The following ABCA1 variants were observed in gnomAD, a reference collection of about 807,000 sequenced individuals.
ABCA1 encodes the protein ATP binding cassette subfamily A member 1.
ABCA1 carries 133 observed loss-of-function variants against 262.5 expected under a neutral mutation model. That is an observed-to-expected ratio of 0.51 (90% CI 0.44 to 0.59). The LOEUF (loss-of-function observed/expected upper bound fraction) is 0.59. ABCA1 is among the 20% of genes least tolerant of loss of function. The probability of loss-of-function intolerance (pLI) is 0.00; values close to 1 mark genes in which losing one functional copy is unlikely to be tolerated. For synonymous variants in ABCA1, 1,022 were observed against 1,043.5 expected (o/e 0.98, Z 0.40); for missense variants, 2,452 against 2,777.5 (o/e 0.88, Z 2.63).
In ABCA1 at chr9:104,786,942, C is replaced by T. The variant is rs755378028; in HGVS notation, c.6239G>A (p.Arg2080Gln). The stretch of plus-strand genomic sequence containing the variant: ...TAGGGCACAATTCCACAAGAACCGC[C>T]GGGCTTTGGGATCCATGCCTGTGGT... ...EPTTGMDPKARRFLWNCALSV... is the reference protein window; with the variant it reads ...EPTTGMDPKAQRFLWNCALSV... The change falls in exon 47 of 50, where the codon CGG becomes CAG. Residue 2080 changes from arginine (R) to glutamine (Q), a missense_variant. Physicochemically the swap from Arg to Gln is conservative, Grantham distance 43. This residue lies in a region of ABCA1 where 752 missense variants were observed against 944.5 expected (regional missense o/e 0.80). Transcript: ENST00000374736. 1.9e-6 allele frequency: 3 copies of T among 1,614,004 alleles called. No individual in the cohort carries two copies. Among genetic ancestry groups the T allele is most frequent in the Non-Finnish European group, 2.5e-6 (3 of 1,179,982 alleles).
At chr9:104,883,341 C>T (rs1405469943) in intron 4 of ABCA1, among the ~76,000 whole-genome samples, 184 bp from the exon 5 acceptor site, 1 of 152,104 alleles carries the variant, frequency 6.6e-6, no homozygotes. Flanking sequence ...CCTCCCCCAC[C>T]CATCATCACT....
At chr9:104,812,072 A>G (rs1036283145) in intron 28 of ABCA1, among the ~76,000 whole-genome samples, 6 of 152,242 alleles carry the variant, frequency 3.9e-5, no homozygotes, top group African/African-American at 1.4e-4. Context: ...CTGTTGGCCA[A>G]CTATATTCTG....
chr9:104,927,381 C>CCA (rs1327700421), intron 1 of ABCA1, among the ~76,000 whole-genome samples: 1 of 152,122 alleles, frequency 6.6e-6, no homozygotes, highest in Non-Finnish European at 1.5e-5. Flanking sequence ...GGGACACCTC[C>CCA]AACTCGAGTT....
At chr9:104,908,653 A>G (rs1257647343) in intron 1 of ABCA1, among the ~76,000 whole-genome samples, 12 of 152,030 alleles carry the variant, frequency 7.9e-5, no homozygotes, top group Non-Finnish European at 1.6e-4. Flanking sequence ...AGAGTGAGAC[A>G]CCTCCTCATA....
chr9:104,927,071 A>G (rs4742929), intron 1 of ABCA1, among the ~76,000 whole-genome samples: 85,852 of 151,694 alleles, frequency 0.57, 25,174 homozygotes, highest in African/African-American at 0.72. Flanking sequence ...AATTAGCTGG[A>G]TGTGGTGACG....
At chr9:104,790,220 A>G (rs73663522) in intron 44 of ABCA1, among the ~76,000 whole-genome samples, 1,594 of 152,278 alleles carry the variant, frequency 0.01, 37 homozygotes, top group African/African-American at 0.037. Flanking sequence ...GTGCAGTCTC[A>G]GAAAATGGCC....
At chr9:104,909,781 A>T (rs1375925001) in intron 1 of ABCA1, among the ~76,000 whole-genome samples, 1 of 152,114 alleles carries the variant, frequency 6.6e-6, no homozygotes, top group East Asian at 1.9e-4. Flanking sequence ...TCCAGGAGAG[A>T]TGAGAGATGA....
At chr9:104,844,006 C>T (rs983718002) in intron 8 of ABCA1, among the ~76,000 whole-genome samples, 1 of 141,896 alleles carries the variant, frequency 7.0e-6, no homozygotes, top group African/African-American at 2.9e-5. Context: ...CACCTGCTTC[C>T]AATTTTTTTT....
chr9:104,873,802 C>T (rs1837857139), intron 5 of ABCA1, among the ~76,000 whole-genome samples: 1 of 152,160 alleles, frequency 6.6e-6, no homozygotes, highest in African/African-American at 2.4e-5. Flanking sequence ...ATTAATTTGC[C>T]ACAATAGTCC....
At chr9:104,805,781 T>C (rs1564103287) in intron 31 of ABCA1, among the ~76,000 whole-genome samples, 2 of 152,222 alleles carry the variant, frequency 1.3e-5, no homozygotes, top group African/African-American at 4.8e-5. Flanking sequence ...AAAACTCACA[T>C]GCTTTTTCTT....
rs1322212554 is a variant in ABCA1 at position 104,806,328 on chromosome 9, A to G, written c.4377T>C (p.Pro1459=). The change falls in exon 31 of 50, where the codon CCT becomes CCC. Residue 1459 remains proline, a synonymous_variant. Coordinates refer to ENST00000374736, the MANE Select transcript of ABCA1 (RefSeq NM_005502.4). ...FQNGNWTMQN[P]SPACQCSSDK... is the part of the protein sequence containing the mutation. ...CGCTGCTACACTGGCATGCAGGTGA[A>G]GGGTTCTGCATTGTCCAGTTCCCAT... 1.2e-6 allele frequency: 2 copies of G among 1,614,136 alleles called. No individual in the cohort carries two copies. Among genetic ancestry groups the G allele is most frequent in the Admixed American group, 1.7e-5 (1 of 60,016 alleles).
At chr9:104,918,743 T>C (rs1241414903) in intron 1 of ABCA1, among the ~76,000 whole-genome samples, 1 of 152,174 alleles carries the variant, frequency 6.6e-6, no homozygotes, top group African/African-American at 2.4e-5. Context: ...TGCAGGTCAG[T>C]GTAAGCTCAT....
intron 21 of ABCA1, 56 bp downstream of exon 21, chr9:104,819,871 T>C: frequency 1.2e-6 from 2 of 1,609,122 alleles, no homozygotes; most frequent in East Asian, 2.2e-5. Flanking sequence ...TTCCTCCGCA[T>C]GTGTGTAGCC....
At chr9:104,835,356 C>T (rs550323819) in intron 11 of ABCA1, among the ~76,000 whole-genome samples, 1 of 152,166 alleles carries the variant, frequency 6.6e-6, no homozygotes, top group South Asian at 2.1e-4. Context: ...TGTCTCCAGC[C>T]CAACCACCCT....
chr9:104,828,770 C>T (rs1833007208), intron 15 of ABCA1, 146 bp downstream of exon 15: 1 of 970,472 alleles, frequency 1.0e-6, no homozygotes, highest in Non-Finnish European at 1.6e-6. Context: ...CTTTCCCCAA[C>T]TATAAATGGA....
intron 1 of ABCA1, among the ~76,000 whole-genome samples, chr9:104,924,311 T>TA (rs76908150): frequency 0.27 from 40,977 of 151,800 alleles, 5,848 homozygotes; most frequent in African/African-American, 0.36. Context: ...TCTGGATACT[T>TA]AAAAAAATGT....
intron 26 of ABCA1, 42 bp from the exon 27 acceptor site, chr9:104,814,273 C>T (rs760065492): frequency 6.2e-7 from 1 of 1,603,588 alleles, no homozygotes; most frequent in South Asian, 1.1e-5. Flanking sequence ...ATTTTATTTA[C>T]AACAAAACAA....
At chr9:104,868,962 T>C (rs1332735660) in intron 5 of ABCA1, among the ~76,000 whole-genome samples, 1 of 148,288 alleles carries the variant, frequency 6.7e-6, no homozygotes, top group East Asian at 2.0e-4. Context: ...TCTCTGAGCA[T>C]AGAGGACAAG....
At chr9:104,844,166 G>C (rs115761095) in intron 8 of ABCA1, among the ~76,000 whole-genome samples, 3,876 of 152,128 alleles carry the variant, frequency 0.025, 137 homozygotes, top group African/African-American at 0.088. Context: ...AGAGGGCTGC[G>C]AGGGGATCTG....
Sources: allele counts gnomAD v4.1 joint callset (sites outside exome capture counted in the v4.1 genomes callset), GRCh38; gene constraint gnomAD v4.1.1; regional missense constraint gnomAD v4.1.1; transcripts MANE v1.5; gene names NCBI Gene and HGNC (gene_info 2026-07-23, HGNC 2026-07-21).